Variants in RNASE11 observed in about 807,000 individuals in gnomAD.
The protein encoded by RNASE11 is ribonuclease A family member 11 (inactive).
For synonymous variants in RNASE11, 105 were observed against 86.1 expected, an observed-to-expected ratio of 1.22 and a Z score of -1.21; for missense variants, 252 against 237.8, an observed-to-expected ratio of 1.06 and a Z score of -0.39.
At chr14:20,589,976 C>T (rs946892035), upstream of RNASE11, among the ~76,000 whole-genome samples, 6 of 152,190 alleles carry the variant, frequency 3.9e-5, no homozygotes, top group African/African-American at 1.4e-4. Flanking sequence ...AGTTTTGCAC[C>T]TCAAGTGAGT....
chr14:20,584,565 C>G, intron 1 of RNASE11, 69 bp from the exon 3 acceptor site: 2 of 1,321,156 alleles, frequency 1.5e-6, no homozygotes, highest in Non-Finnish European at 2.0e-6. Context: ...TTCCTCCTGA[C>G]AGTTATTCCT....
upstream of RNASE11, among the ~76,000 whole-genome samples, chr14:20,589,378 G>C (rs570358334): frequency 1.3e-4 from 20 of 150,594 alleles, no homozygotes; most frequent in Admixed American, 1.2e-3. Context: ...CTCAGCCTCC[G>C]GAGTAGCTGG....
chr14:20,585,646 T>C (rs942770958), intron 1 of RNASE11, among the ~76,000 whole-genome samples: 4 of 152,186 alleles, frequency 2.6e-5, no homozygotes, highest in African/African-American at 7.2e-5. Context: ...AAAGAGTAGA[T>C]GTTAAGGAAA....
chr14:20,583,970 A>T, exon 2 of RNASE11: 1 of 1,614,180 alleles, frequency 6.2e-7, no homozygotes, highest in Non-Finnish European at 8.5e-7. Context: ...TGGTATTGGC[A>T]CCTGGGGAAT....
chr14:20,583,328 A>T (rs1191745762), downstream of RNASE11: 1 of 154,456 alleles, frequency 6.5e-6, no homozygotes, highest in Non-Finnish European at 1.4e-5. Flanking sequence ...GGAGCTATTG[A>T]CACTGAGAGC....
At chr14:20,587,961 T>C (rs1884471002), upstream of RNASE11, 2 of 488,748 alleles carry the variant, frequency 4.1e-6, no homozygotes, top group African/African-American at 4.2e-5. Context: ...CCAAAGCCTG[T>C]GACCCACCCA....
At chr14:20,584,713 A>T (rs1211010670) in intron 1 of RNASE11, among the ~76,000 whole-genome samples, 1 of 152,174 alleles carries the variant, frequency 6.6e-6, no homozygotes, top group Non-Finnish European at 1.5e-5. Flanking sequence ...ATTCAACCTT[A>T]TTTAACTCCA....
chr14:20,584,633 T>C (rs375075869), intron 1 of RNASE11, 137 bp from the exon 3 acceptor site: 2 of 607,270 alleles, frequency 3.3e-6, no homozygotes, highest in Admixed American at 3.6e-5. Context: ...AACTATGATA[T>C]AATAGAAAGA....
chr14:20,583,986 GC>G lies in RNASE11; in HGVS notation c.488del (p.Gly163AlafsTer15). The G allele has an allele frequency of 2.5e-6, 4 of 1,614,174 alleles. No individual in the cohort carries two copies. Among genetic ancestry groups the G allele is most frequent in the Non-Finnish European group, 3.4e-6 (4 of 1,180,004 alleles). On this transcript the variant is annotated frameshift_variant, in exon 2 of 2. Transcript: ENST00000553849. LOFTEE classifies it low-confidence loss of function (END_TRUNC). ...GGTATTGGCACCTGGGGAATTGTTT[GC>G]CTGTAGTGAACTGGCACACTGTATT... is the stretch of plus-strand genomic sequence containing the variant.
chr14:20,589,162 C>G (rs1326958627), upstream of RNASE11, among the ~76,000 whole-genome samples: 1 of 129,844 alleles, frequency 7.7e-6, no homozygotes, highest in Non-Finnish European at 1.7e-5. Context: ...TGGCCCTGCA[C>G]TACGTTTCTC....
chr14:20,590,191 C>T, upstream of RNASE11: 1 of 1,537,952 alleles, frequency 6.5e-7, no homozygotes, highest in Non-Finnish European at 8.7e-7. Flanking sequence ...AAGGCATTGC[C>T]CCATGTCCAC....
In RNASE11 at chr14:20,583,709, T is replaced by A. The variant is rs544359584; in HGVS notation, c.*166A>T. On this transcript the variant is annotated 3_prime_UTR_variant, in exon 2 of 2. Transcript: ENST00000553849. ...TGCACGCCAGTATCAGTCATAACTT[T>A]TAATTGAATTATCCACAATTTTGGA... The A allele has an allele frequency of 4.2e-5, 26 of 618,060 alleles. No homozygotes were observed. In the South Asian group the frequency reaches 6.6e-4, roughly 16 times the overall value. 38.3% of individuals were successfully genotyped at this position (618,060 alleles called of 1,614,324 possible).
chr14:20,588,903 C>T (rs1396544038), upstream of RNASE11, among the ~76,000 whole-genome samples: 4 of 151,882 alleles, frequency 2.6e-5, no homozygotes, highest in East Asian at 7.8e-4. Flanking sequence ...CCTCCTGTGT[C>T]AGCTTCCCAA....
exon 2 of RNASE11, chr14:20,584,458 A>G: frequency 6.3e-7 from 1 of 1,598,518 alleles, no homozygotes; most frequent in Non-Finnish European, 8.5e-7. Flanking sequence ...GAGCAGCAGC[A>G]GAGGAAAGGT....
At chr14:20,584,280 G>A in exon 2 of RNASE11, 1 of 1,614,184 alleles carries the variant, frequency 6.2e-7, no homozygotes, top group Non-Finnish European at 8.5e-7. Flanking sequence ...CCTTGGACAT[G>A]CTGAGGCTGG....
At chr14:20,583,989 T>C (rs1250079443) in exon 2 of RNASE11, 1 of 1,614,188 alleles carries the variant, frequency 6.2e-7, no homozygotes, top group South Asian at 1.1e-5. Flanking sequence ...ATTGTTTGCC[T>C]GTAGTGAACT....
At position 20,584,098 on chromosome 14, in the gene RNASE11, T is replaced by C. The variant is rs746536738; in HGVS notation, c.377A>G (p.Glu126Gly). 75 of 1,614,070 alleles carry C rather than the reference T, an allele frequency of 4.6e-5. No individual in the cohort carries two copies. The highest frequency in any genetic ancestry group is 6.2e-5 in the Non-Finnish European group (73 of 1,180,032). ...GGCCCTGTGGACCCTGCGCATCACT[T>C]CTGTGGAGCTGCGGATGAAGTTATT... The change falls in exon 2 of 2, where the codon GAA becomes GGA. Residue 126 changes from glutamate (E) to glycine (G), a missense_variant. Physicochemically the swap from Glu to Gly is moderately conservative, Grantham distance 98. Coordinates refer to ENST00000553849, the Ensembl canonical transcript of RNASE11.
intron 1 of RNASE11, chr14:20,585,037 G>C (rs1046521541): frequency 2.1e-5 from 21 of 981,974 alleles, no homozygotes; most frequent in African/African-American, 7.0e-5. Flanking sequence ...CAGTTCCTTC[G>C]GCAAGTTGAT....
At chr14:20,586,967 T>C (rs991857323) in intron 1 of RNASE11, among the ~76,000 whole-genome samples, 1 of 152,048 alleles carries the variant, frequency 6.6e-6, no homozygotes, top group African/African-American at 2.4e-5. Context: ...CTAGGCAACA[T>C]AGTGAGAATC....
Sources: gnomAD v4.1 joint callset for allele counts (sites outside exome capture counted in the v4.1 genomes callset) on GRCh38, gnomAD v4.1.1 for gene constraint, MANE v1.5 for transcripts, NCBI Gene and HGNC (gene_info 2026-07-23, HGNC 2026-07-21) for gene names.